The following GSE1 variants were observed in gnomAD, a reference collection of about 807,000 sequenced individuals.
GSE1 encodes the protein Gse1 coiled-coil protein.
Under a neutral mutation model 112.6 loss-of-function variants are expected in GSE1, and 32 were observed. The ratio of observed to expected loss-of-function variants is 0.28; its 90% CI spans 0.21 to 0.38. GSE1 has a LOEUF of 0.38. Among genes scored for constraint, GSE1 ranks in the 10% least tolerant of loss-of-function variants. The pLI, the probability that GSE1 is intolerant of heterozygous loss-of-function variation, is 1.00. For missense variants in GSE1, 2,348 were observed against 1,699.2 expected, an observed-to-expected ratio of 1.38 and a Z score of -6.71; for synonymous variants, 1,115 against 735.6, an observed-to-expected ratio of 1.52 and a Z score of -8.35.
At chr16:85,473,286 T>C (rs2050352070) in intron 2 of GSE1, among the ~76,000 whole-genome samples, 1 of 151,996 alleles carries the variant, frequency 6.6e-6, no homozygotes, top group South Asian at 2.1e-4. Context: ...AGTGGAAAGG[T>C]GCAAAGTGCT....
chr16:85,221,462 C>G (rs925176801), intron 1 of GSE1, among the ~76,000 whole-genome samples: 7 of 152,112 alleles, frequency 4.6e-5, no homozygotes, highest in African/African-American at 1.7e-4. Flanking sequence ...CACACACACA[C>G]AGACGCACAC....
Position 85,668,106 on chromosome 16 carries a change from C to T in GSE1, c.3131-34C>T, listed in dbSNP as rs376888557. On this transcript the variant is annotated intron_variant, in intron 13 of 15. Coordinates refer to ENST00000253458, the MANE Select transcript of GSE1 (RefSeq NM_014615.5). ...AGACAGCACCCTGTGTCCCTTCCCC[C>T]AACACACTGATGCAAGCCCTGTCCC... 82 of 1,515,312 alleles carry T rather than the reference C, an allele frequency of 5.4e-5. No individual in the cohort carries two copies. The African/African-American group carries it at 1.1e-3, about 20-fold the overall frequency. The allele number at this position is 1,515,312 out of a possible 1,614,324, so 93.9% of individuals were successfully genotyped here.
In GSE1 at chr16:85,661,644, G is replaced by A. The variant is rs762219204; in HGVS notation, c.2139G>A (p.Arg713=). ...SGPLKPGSPY[R]PPVPRAPDPA... ...CCCTGAAGCCTGGCTCGCCCTACCG[G>A]CCCCCAGTGCCACGGGCCCCCGACC... The change falls in exon 9 of 16, where the codon CGG becomes CGA. Residue 713 remains arginine, a synonymous_variant. Coordinates refer to ENST00000253458, the MANE Select transcript of GSE1 (RefSeq NM_014615.5). The A allele has an allele frequency of 4.3e-6, 7 of 1,611,282 alleles. No homozygotes were observed. In the South Asian group the frequency reaches 5.5e-5, roughly 13 times the overall value.
chr16:85,584,375 C>G (rs1427653600), intron 1 of GSE1, among the ~76,000 whole-genome samples: 1 of 152,182 alleles, frequency 6.6e-6, no homozygotes, highest in African/African-American at 2.4e-5. Context: ...AAGCCACAGC[C>G]AAGCGGAGCA....
intron 2 of GSE1, among the ~76,000 whole-genome samples, chr16:85,519,547 T>C (rs376081244): frequency 0.89 from 7,334 of 8,280 alleles, 3,265 homozygotes; most frequent in East Asian, 0.95. Context: ...TCATCACTAT[T>C]ACCACCATCA....
At chr16:85,418,270 G>A (rs1486743730) in intron 2 of GSE1, among the ~76,000 whole-genome samples, 1 of 152,250 alleles carries the variant, frequency 6.6e-6, no homozygotes, top group Non-Finnish European at 1.5e-5. Flanking sequence ...CATGAAGCCA[G>A]TAACATGCAA....
Position 85,413,264 on chromosome 16 carries a change from G to A in GSE1, c.2464+55621G>A, listed in dbSNP as rs1478879104. ...CATCTCCCACGAGAGTGTGGGACACGGGGAACGAGGTGGGTTGAGGGTTGG... is the reference window on the plus strand; with the variant it reads ...CATCTCCCACGAGAGTGTGGGACACAGGGAACGAGGTGGGTTGAGGGTTGG... On this transcript the variant is annotated intron_variant, in intron 2 of 2. Transcript: ENST00000637419. 7.2e-5 allele frequency among the ~76,000 whole-genome samples: 11 copies of A among 152,300 alleles called. No individual in the cohort carries two copies. In the East Asian group the frequency reaches 1.4e-3, roughly 19 times the overall value.
At position 85,449,412 on chromosome 16, in the gene GSE1, A is replaced by G. The variant is rs372209761; in HGVS notation, c.2464+91769A>G. Among the ~76,000 whole-genome samples the G allele has an allele frequency of 5.3e-5, 8 of 152,380 alleles. 1 individual carries two copies. Among genetic ancestry groups the G allele is most frequent in the East Asian group, 3.9e-4 (2 of 5,182 alleles). ...CAGCCGGCAGCTGGGCCGAGGCCGC[A>G]TGGGGGGCGGGGAAGATCAGAGCCC... On this transcript the variant is annotated intron_variant, in intron 2 of 2. Transcript: ENST00000637419.
At chr16:85,497,043 C>T (rs182560651) in intron 2 of GSE1, among the ~76,000 whole-genome samples, 1 of 152,308 alleles carries the variant, frequency 6.6e-6, no homozygotes, top group East Asian at 1.9e-4. Flanking sequence ...GGATCACAGG[C>T]ACGTGCCACC....
rs558869230 is a variant in GSE1 at position 85,270,598 on chromosome 16, T to A, written c.2284-86865T>A. Among the ~76,000 whole-genome samples the A allele has an allele frequency of 4.0e-5, 6 of 148,894 alleles. No homozygotes were observed. In the South Asian group the frequency reaches 1.3e-3, roughly 32 times the overall value. Reference sequence around the variant, plus strand: ...TATTAAATCAAAGCTCTCGGGCTGTTGTATTTGTTGGATTGATGTTGCCCT... The same window carrying A: ...TATTAAATCAAAGCTCTCGGGCTGTAGTATTTGTTGGATTGATGTTGCCCT... On this transcript the variant is annotated intron_variant, in intron 1 of 2. Transcript: ENST00000637419.
In GSE1 at chr16:85,668,311, C is replaced by A; in HGVS notation, c.3302C>A (p.Ser1101Ter). The A allele has an allele frequency of 6.2e-7, 1 of 1,612,490 alleles. No homozygotes were observed. The highest frequency in any genetic ancestry group is 8.5e-7 in the Non-Finnish European group (1 of 1,178,912). Residue 1101 changes from serine (S) to a stop codon, truncating the protein, a stop_gained, in exon 14 of 16, where the codon TCG (serine) becomes TAG (stop). Coordinates refer to ENST00000253458, the MANE Select transcript of GSE1 (RefSeq NM_014615.5). LOFTEE classifies it high-confidence loss of function. ...GPPTQELDRDSEEEEEEDDED... is the reference protein window; with the variant it reads ...GPPTQELDRD Reference sequence around the variant, plus strand: ...CCAACCCAGGAGTTGGACCGGGACTCGGAGGAGGAGGAAGAGGAGGATGAT... The same window carrying A: ...CCAACCCAGGAGTTGGACCGGGACTAGGAGGAGGAGGAAGAGGAGGATGAT...
At chr16:85,404,041 C>T (rs1188640350) in intron 2 of GSE1, among the ~76,000 whole-genome samples, 1 of 151,988 alleles carries the variant, frequency 6.6e-6, no homozygotes, top group Non-Finnish European at 1.5e-5. Flanking sequence ...CCTCTGTGTG[C>T]GTCAGAACTC....
At chr16:85,324,116 G>A (rs904408579) in intron 1 of GSE1, among the ~76,000 whole-genome samples, 16 of 152,248 alleles carry the variant, frequency 1.1e-4, no homozygotes, top group Admixed American at 2.0e-4. Context: ...GGGAATGCAC[G>A]TGGTGCAGCT....
In GSE1 at chr16:85,666,571, C is replaced by G. The variant is rs1411772043; in HGVS notation, c.3130+224C>G. On this transcript the variant is annotated intron_variant, in intron 13 of 15. Coordinates refer to ENST00000253458, the MANE Select transcript of GSE1 (RefSeq NM_014615.5). ...GGTGAGAAACGTTTGTAGGCACCAG[C>G]GCTGACGCTGTGCTGTGAGCAGGGA... is the stretch of plus-strand genomic sequence containing the variant. 6.9e-6 allele frequency: 4 copies of G among 578,378 alleles called. No individual in the cohort carries two copies. The African/African-American group carries it at 7.5e-5, about 11-fold the overall frequency. The allele number at this position is 578,378 out of a possible 1,614,324, so 35.8% of individuals were successfully genotyped here. A position where few individuals can be genotyped will look rare whatever the true frequency, so the allele number is the denominator to read the frequency against.
intron 11 of GSE1, among the ~76,000 whole-genome samples, chr16:85,664,085 C>G (rs548316928): frequency 1.3e-5 from 2 of 152,382 alleles, no homozygotes; most frequent in East Asian, 3.9e-4. Flanking sequence ...TTGAAAGATG[C>G]TTCCAGTTCA....
rs373510478 is a variant in GSE1 at position 85,195,738 on chromosome 16, A to C, written c.2283+23931A>C. 2.6e-4 allele frequency among the ~76,000 whole-genome samples: 39 copies of C among 152,300 alleles called. No individual in the cohort carries two copies. In the East Asian group the frequency reaches 2.9e-3, roughly 11 times the overall value. On this transcript the variant is annotated intron_variant, in intron 1 of 2. Coordinates refer to the GSE1 transcript ENST00000637419. ...CCACGAAGGAGAAGACTCAGGATGC[A>C]CCAGGGCACCGCACTGCTGAGACTG...
At chr16:85,640,886 CCGTT>C (rs1297817845) in intron 2 of GSE1, among the ~76,000 whole-genome samples, 2 of 152,246 alleles carry the variant, frequency 1.3e-5, no homozygotes, top group Non-Finnish European at 2.9e-5. Flanking sequence ...TGGTGCCTCT[CCGTT>C]CTCCTGGCCC....
rs375271211 is a variant in GSE1, at chr16:85,473,863, CGTCT to C, written c.2464+116227_2464+116230del. 1.1e-3 allele frequency among the ~76,000 whole-genome samples: 168 copies of C among 152,114 alleles called. 1 individual carries two copies. Among genetic ancestry groups the C allele is most frequent in the African/African-American group, 3.9e-3 (161 of 41,518 alleles). On this transcript the variant is annotated intron_variant, in intron 2 of 2. Transcript: ENST00000637419. Reference sequence around the variant, plus strand: ...TGGGGAGCAGGGCGCTGCAGGGGAGCGTCTGTCTGTAGCACTCTCCCAGGCACTA... The same window carrying C: ...TGGGGAGCAGGGCGCTGCAGGGGAGCGTCTGTAGCACTCTCCCAGGCACTA...
At chr16:85,614,044 CCTCT>C (rs1211000591) in intron 1 of GSE1, among the ~76,000 whole-genome samples, 1 of 151,488 alleles carries the variant, frequency 6.6e-6, no homozygotes, top group Non-Finnish European at 1.5e-5. Flanking sequence ...CCGCTTCTCT[CCTCT>C]CTCTCCCCCC....
Sources: gnomAD v4.1 joint callset for allele counts (sites outside exome capture counted in the v4.1 genomes callset) on GRCh38, gnomAD v4.1.1 for gene constraint, MANE v1.5 for transcripts, NCBI Gene and HGNC (gene_info 2026-07-23, HGNC 2026-07-21) for gene names.